Variants in LSAMP observed in about 807,000 individuals in gnomAD.
LSAMP encodes limbic system-associated membrane protein.
A neutral mutation model predicts 38.6 loss-of-function variants in LSAMP; 7 were observed. That is an observed-to-expected ratio of 0.18 (90% confidence interval 0.10 to 0.34). The LOEUF (loss-of-function observed/expected upper bound fraction) is 0.34, where lower values mean the gene tolerates loss of function less well. LSAMP is among the 10% of genes least tolerant of loss of function. The probability of loss-of-function intolerance (pLI) is 1.00; values close to 1 mark genes in which losing one functional copy is unlikely to be tolerated. For synonymous variants in LSAMP, 154 were observed against 166.8 expected (o/e 0.92, Z 0.59); for missense variants, 313 against 420.0 (o/e 0.75, Z 2.23).
rs149847495 is a variant in LSAMP at position 115,818,348 on chromosome 3, G to C, written c.920-7934C>G. Among the ~76,000 whole-genome samples the C allele has an allele frequency of 1.1e-4, 17 of 152,188 alleles. No homozygotes were observed. In the East Asian group the frequency reaches 2.5e-3, roughly 23 times the overall value. ...TTTCCTAAAAGAGGCCTCAATCCTCGATGAGGCCATCTTCAGTTAAAAAAC... is the reference window on the plus strand; with the variant it reads ...TTTCCTAAAAGAGGCCTCAATCCTCCATGAGGCCATCTTCAGTTAAAAAAC... On this transcript the variant is annotated intron_variant, in intron 6 of 6. Coordinates refer to ENST00000490035, the MANE Select transcript of LSAMP (RefSeq NM_002338.5).
At chr3:116,268,875 TG>T (rs1219771146) in intron 1 of LSAMP, among the ~76,000 whole-genome samples, 1 of 152,058 alleles carries the variant, frequency 6.6e-6, no homozygotes, top group Non-Finnish European at 1.5e-5. Context: ...CTAACTTTTT[TG>T]GGGATTTGAA....
In LSAMP at chr3:115,834,761, C is replaced by T. The variant is rs945740293; in HGVS notation, c.919+7084G>A. Among the ~76,000 whole-genome samples the T allele has an allele frequency of 2.6e-5, 4 of 152,096 alleles. No homozygotes were observed. In the East Asian group the frequency reaches 7.7e-4, roughly 29 times the overall value. On this transcript the variant is annotated intron_variant, in intron 6 of 6. Coordinates refer to ENST00000490035, the MANE Select transcript of LSAMP (RefSeq NM_002338.5). Reference sequence around the variant, plus strand: ...GTCTGTACTTCCTATTAACATTAAACTATCAAAGAAATTTATTAACAAAAT... The same window carrying T: ...GTCTGTACTTCCTATTAACATTAAATTATCAAAGAAATTTATTAACAAAAT...
chr3:116,331,336 C>T (rs1001741273), intron 1 of LSAMP, among the ~76,000 whole-genome samples: 1 of 152,060 alleles, frequency 6.6e-6, no homozygotes, highest in Non-Finnish European at 1.5e-5. Context: ...CCAGAGAGAA[C>T]ATTTGAAAAA....
chr3:116,310,994 T>C (rs1174489833), intron 1 of LSAMP, among the ~76,000 whole-genome samples: 1 of 151,424 alleles, frequency 6.6e-6, no homozygotes, highest in Non-Finnish European at 1.5e-5. Context: ...TGAAAGATCA[T>C]ACTACGTAGT....
chr3:116,118,369 A>G (rs1438278020), intron 1 of LSAMP, among the ~76,000 whole-genome samples: 1 of 152,080 alleles, frequency 6.6e-6, no homozygotes, highest in Non-Finnish European at 1.5e-5. Flanking sequence ...CTGTGGGATG[A>G]TTGCTTTGGT....
intron 1 of LSAMP, among the ~76,000 whole-genome samples, chr3:116,293,619 G>C (rs2047295241): frequency 6.6e-6 from 1 of 152,100 alleles, no homozygotes; most frequent in South Asian, 2.1e-4. Flanking sequence ...TGAGGGCATA[G>C]TTTGAATAAG....
At chr3:116,228,816 C>T (rs2046369545) in intron 1 of LSAMP, among the ~76,000 whole-genome samples, 1 of 152,068 alleles carries the variant, frequency 6.6e-6, no homozygotes, top group Admixed American at 6.5e-5. Context: ...CCCCTCTGTA[C>T]TCATTGAGAA....
chr3:116,315,683 C>T lies in LSAMP; in HGVS notation c.155+129194G>A, dbSNP rs566939298. ...GCTATGTTTTAAGGACTGTTCTAAG[C>T]GATAAAGTGATATCTTTATCTACCA... On this transcript the variant is annotated intron_variant, in intron 1 of 6. Coordinates refer to ENST00000490035, the MANE Select transcript of LSAMP (RefSeq NM_002338.5). 1.7e-3 allele frequency among the ~76,000 whole-genome samples: 254 copies of T among 152,266 alleles called. 3 individuals carry two copies. Among genetic ancestry groups the T allele is most frequent in the Admixed American group, 0.012 (183 of 15,294 alleles).
intron 1 of LSAMP, among the ~76,000 whole-genome samples, chr3:116,131,286 C>T (rs150491433): frequency 3.8e-4 from 58 of 152,164 alleles, no homozygotes; most frequent in Admixed American, 1.4e-3. Context: ...CCACCTCGCC[C>T]GGCCTAAGGT....
chr3:115,950,733 G>A (rs1289599609), intron 3 of LSAMP, among the ~76,000 whole-genome samples: 2 of 123,644 alleles, frequency 1.6e-5, no homozygotes, highest in African/African-American at 3.3e-5. Flanking sequence ...CACAAAACTA[G>A]GAAAAACAAT....
intron 1 of LSAMP, among the ~76,000 whole-genome samples, chr3:116,284,606 T>A (rs949528296): frequency 5.9e-5 from 9 of 152,218 alleles, no homozygotes; most frequent in Admixed American, 1.3e-4. Flanking sequence ...GTTTCACCCT[T>A]AACTCCAAAC....
At chr3:116,312,495 T>C (rs1290368196) in intron 1 of LSAMP, among the ~76,000 whole-genome samples, 1 of 152,206 alleles carries the variant, frequency 6.6e-6, no homozygotes, top group East Asian at 1.9e-4. Flanking sequence ...CCATTCTGAG[T>C]TATTTACTCT....
chr3:116,167,060 G>A (rs1259882967), intron 1 of LSAMP, among the ~76,000 whole-genome samples: 1 of 151,972 alleles, frequency 6.6e-6, no homozygotes, highest in Non-Finnish European at 1.5e-5. Context: ...CAAAGTGCTG[G>A]GATTACAGGC....
chr3:116,057,080 C>A (rs534398997), intron 2 of LSAMP, among the ~76,000 whole-genome samples: 5 of 152,122 alleles, frequency 3.3e-5, no homozygotes, highest in Non-Finnish European at 7.4e-5. Flanking sequence ...CTGCTGTGAC[C>A]TCTTCTTAAC....
At position 116,354,682 on chromosome 3, in the gene LSAMP, C is replaced by A. The variant is rs1437784983; in HGVS notation, c.155+90195G>T. Among the ~76,000 whole-genome samples the A allele has an allele frequency of 3.9e-5, 6 of 152,168 alleles. No homozygotes were observed. In the East Asian group the frequency reaches 1.2e-3, roughly 29 times the overall value. The stretch of plus-strand genomic sequence containing the variant: ...ATAATCTGCCAGAGGAAAGACTAAA[C>A]ATATATCTACTACCTATGCATACTC... On this transcript the variant is annotated intron_variant, in intron 1 of 6. Transcript: ENST00000490035.
At chr3:116,156,699 T>C (rs546199714) in intron 1 of LSAMP, among the ~76,000 whole-genome samples, 1 of 152,052 alleles carries the variant, frequency 6.6e-6, no homozygotes, top group South Asian at 2.1e-4. Context: ...AACCAAAAAC[T>C]TGACAGAAGA....
chr3:116,216,730 AT>A (rs1214688131), intron 1 of LSAMP, among the ~76,000 whole-genome samples: 1 of 152,204 alleles, frequency 6.6e-6, no homozygotes, highest in East Asian at 1.9e-4. Context: ...AAAACAGGAG[AT>A]TAAGGAAGAA....
chr3:116,221,823 T>A (rs896371839), intron 1 of LSAMP, among the ~76,000 whole-genome samples: 8 of 144,240 alleles, frequency 5.5e-5, no homozygotes, highest in African/African-American at 2.1e-4. Context: ...ATGTGCAACA[T>A]TCTGCGTGAT....
chr3:116,203,521 G>T (rs1228183877), intron 1 of LSAMP, among the ~76,000 whole-genome samples: 6 of 150,786 alleles, frequency 4.0e-5, no homozygotes, highest in African/African-American at 1.5e-4. Context: ...CTAGCATTAG[G>T]TATATCTCCC....
Sources: gnomAD v4.1 joint callset for allele counts (sites outside exome capture counted in the v4.1 genomes callset) on GRCh38, gnomAD v4.1.1 for gene constraint, MANE v1.5 for transcripts, NCBI Gene and HGNC (gene_info 2026-07-23, HGNC 2026-07-21) for gene names.